Variants in CNNM2 observed in about 807,000 individuals in gnomAD.
The protein encoded by CNNM2 is metal transporter CNNM2.
A neutral mutation model predicts 66.9 loss-of-function variants in CNNM2; 12 were observed. The ratio of observed to expected loss-of-function variants is 0.18; its 90% CI spans 0.11 to 0.29. The LOEUF is 0.29. Among genes scored for constraint, CNNM2 ranks in the 10% least tolerant of loss-of-function variants. The pLI is 1.00. For synonymous variants in CNNM2, 557 were observed against 501.8 expected (o/e 1.11, Z -1.47); for missense variants, 705 against 1,167.7 (o/e 0.60, Z 5.77).
chr10:103,080,664 T>C lies in CNNM2; in HGVS notation c.*3484T>C, dbSNP rs529198288. 3.1e-4 allele frequency: 47 copies of C among 152,316 alleles called. 1 individual carries two copies. Among genetic ancestry groups the C allele is most frequent in the Admixed American group, 2.7e-3 (41 of 15,298 alleles). 9.4% of individuals were successfully genotyped at this position (152,316 alleles called of 1,614,324 possible). A position where few individuals can be genotyped will look rare whatever the true frequency, so the allele number is the denominator to read the frequency against. ...ACAGTGCAAATGTTGAATGCAGAGC[T>C]TCACACTAATACGGAACAGTAACTG... On this transcript the variant is annotated 3_prime_UTR_variant, in exon 8 of 8. Coordinates refer to ENST00000369878, the MANE Select transcript of CNNM2 (RefSeq NM_017649.5).
At chr10:103,044,265 G>A (rs2065091602) in intron 1 of CNNM2, among the ~76,000 whole-genome samples, 2 of 149,854 alleles carry the variant, frequency 1.3e-5, no homozygotes, top group African/African-American at 4.9e-5. Context: ...GGTTAAGAAA[G>A]GTCCTATTTG....
At chr10:102,987,986 C>T (rs1019038477) in intron 1 of CNNM2, among the ~76,000 whole-genome samples, 30 of 152,226 alleles carry the variant, frequency 2.0e-4, no homozygotes, top group Non-Finnish European at 2.8e-4. Flanking sequence ...GTATGCACCA[C>T]GCTACTTAAT....
At chr10:103,035,719 T>C (rs1167378189) in intron 1 of CNNM2, among the ~76,000 whole-genome samples, 1 of 152,044 alleles carries the variant, frequency 6.6e-6, no homozygotes, top group Non-Finnish European at 1.5e-5. Flanking sequence ...AAGGAGTGGG[T>C]GGTGGTGGGA....
At chr10:102,970,539 A>G (rs1335466464) in intron 1 of CNNM2, among the ~76,000 whole-genome samples, 1 of 152,106 alleles carries the variant, frequency 6.6e-6, no homozygotes, top group Non-Finnish European at 1.5e-5. Context: ...CCTGGCTCTC[A>G]CCCATTCCAG....
chr10:102,975,485 A>AC (rs1554894146), intron 1 of CNNM2, among the ~76,000 whole-genome samples: 68 of 151,600 alleles, frequency 4.5e-4, no homozygotes, highest in African/African-American at 7.7e-4. Flanking sequence ...AAAAAAAAAA[A>AC]AAACAAACCT....
chr10:103,007,253 A>T (rs2064247197), intron 1 of CNNM2, among the ~76,000 whole-genome samples: 1 of 152,168 alleles, frequency 6.6e-6, no homozygotes, highest in African/African-American at 2.4e-5. Flanking sequence ...GAGAACAAAG[A>T]TCACATGATT....
intron 1 of CNNM2, among the ~76,000 whole-genome samples, chr10:102,984,787 C>T (rs2063771317): frequency 6.6e-6 from 1 of 152,068 alleles, no homozygotes; most frequent in Non-Finnish European, 1.5e-5. Context: ...GCTGGGACTA[C>T]AGGCGCCTGT....
At chr10:103,076,939 G>T in intron 7 of CNNM2, 32 bp from the exon 8 acceptor site, 1 of 1,587,990 alleles carries the variant, frequency 6.3e-7, no homozygotes, top group Non-Finnish European at 8.6e-7. Context: ...GCATTATCTT[G>T]GTTTGTTTTC....
intron 1 of CNNM2, among the ~76,000 whole-genome samples, chr10:102,995,347 G>A (rs2063977278): frequency 6.7e-6 from 1 of 149,516 alleles, no homozygotes; most frequent in Non-Finnish European, 1.5e-5. Context: ...CAAGCAGCTG[G>A]GACTACAGGC....
rs11191532 is a variant in CNNM2, at chr10:103,048,217, T to G, written c.1622-1490T>G. Among the ~76,000 whole-genome samples, 13,659 of 141,754 alleles carry G rather than the reference T, an allele frequency of 0.096. 701 individuals are homozygous for G. The highest frequency in any genetic ancestry group is 0.14 in the East Asian group (680 of 4,996). 93.0% of individuals were successfully genotyped at this position (141,754 alleles called of 152,430 possible). A position where few individuals can be genotyped will look rare whatever the true frequency, so the allele number is the denominator to read the frequency against. On this transcript the variant is annotated intron_variant, in intron 1 of 7. Coordinates refer to ENST00000369878, the MANE Select transcript of CNNM2 (RefSeq NM_017649.5). ...AATGTGAGCCACTGCGCTCAGCATT[T>G]TTTTTTTTTTTTTTTGAGTGGGAGT...
chr10:102,969,516 G>A (rs1590327387), intron 1 of CNNM2, among the ~76,000 whole-genome samples: 1 of 151,008 alleles, frequency 6.6e-6, no homozygotes, highest in Admixed American at 6.6e-5. Flanking sequence ...CCAGCCAGTA[G>A]TGCTATCTTA....
At chr10:103,024,572 G>A (rs1043098741) in intron 1 of CNNM2, among the ~76,000 whole-genome samples, 1 of 151,698 alleles carries the variant, frequency 6.6e-6, no homozygotes, top group African/African-American at 2.4e-5. Flanking sequence ...TCCGCCTCCC[G>A]GGTTCAAGCG....
chr10:102,990,980 T>C (rs2063888366), intron 1 of CNNM2, among the ~76,000 whole-genome samples: 1 of 152,168 alleles, frequency 6.6e-6, no homozygotes, highest in South Asian at 2.1e-4. Flanking sequence ...TTTTCCATTG[T>C]GGCTGTAGGA....
intron 1 of CNNM2, among the ~76,000 whole-genome samples, chr10:103,020,954 A>G (rs896396882): frequency 9.9e-5 from 15 of 152,218 alleles, no homozygotes; most frequent in African/African-American, 2.2e-4. Flanking sequence ...GACAAGGTCA[A>G]TGGAGTGATC....
In CNNM2 at chr10:102,918,885, G is replaced by T. The variant is rs1464539179; in HGVS notation, c.405G>T (p.Leu135=). The T allele has an allele frequency of 6.2e-7, 1 of 1,608,744 alleles. No individual in the cohort carries two copies. The highest frequency in any genetic ancestry group is 1.3e-5 in the African/African-American group (1 of 74,486). Reference sequence around the variant, plus strand: ...GCCACAGCCCGGGGGAGCGCGGGCTGGGGGGCCCCGCGCCGCCAGAGCCGG... The same window carrying T: ...GCCACAGCCCGGGGGAGCGCGGGCTTGGGGGCCCCGCGCCGCCAGAGCCGG... ...RRRHSPGERG[L]GGPAPPEPDS... is the part of the protein sequence containing the mutation. The change falls in exon 1 of 8, where the codon CTG becomes CTT. Residue 135 remains leucine, a synonymous_variant. Coordinates refer to ENST00000369878, the MANE Select transcript of CNNM2 (RefSeq NM_017649.5). This position sits in a 1 kb window ranked among gnomAD's most constrained non-coding sequence, Gnocchi z 4.1.
At chr10:102,968,260 T>C (rs1159438690) in intron 1 of CNNM2, among the ~76,000 whole-genome samples, 2 of 152,132 alleles carry the variant, frequency 1.3e-5, no homozygotes, top group African/African-American at 2.4e-5. Flanking sequence ...GTTTTGTTTT[T>C]GTTTGAGACG....
chr10:103,032,092 A>G (rs966856614), intron 1 of CNNM2, among the ~76,000 whole-genome samples: 1 of 152,184 alleles, frequency 6.6e-6, no homozygotes, highest in African/African-American at 2.4e-5. Flanking sequence ...GGTGTCCAAC[A>G]CTGTCAGAGG....
rs191398611 is a variant in CNNM2 at position 102,940,639 on chromosome 10, T to C, written c.1621+20538T>C. 1.0e-3 allele frequency among the ~76,000 whole-genome samples: 154 copies of C among 151,334 alleles called. 1 individual carries two copies. The highest frequency in any genetic ancestry group is 1.7e-3 in the Non-Finnish European group (113 of 67,806). ...TTCACCGTGTTAGCCAGGATGGTCT[T>C]GATCTCCTGACCTCGTGATCCGCCC... On this transcript the variant is annotated intron_variant, in intron 1 of 7. Coordinates refer to ENST00000369878, the MANE Select transcript of CNNM2 (RefSeq NM_017649.5).
chr10:103,009,673 C>T (rs1433183824), intron 1 of CNNM2, among the ~76,000 whole-genome samples: 1 of 85,526 alleles, frequency 1.2e-5, no homozygotes, highest in Non-Finnish European at 2.3e-5. Context: ...GCCTGAGTCT[C>T]CAAAAAAAAA....
Sources: allele counts gnomAD v4.1 joint callset (sites outside exome capture counted in the v4.1 genomes callset), GRCh38; gene constraint gnomAD v4.1.1; non-coding constraint Gnocchi (gnomAD v3.1); transcripts MANE v1.5; gene names NCBI Gene and HGNC (gene_info 2026-07-23, HGNC 2026-07-21).